Variants in KLHL3 observed in about 807,000 individuals in gnomAD.
KLHL3 encodes kelch like family member 3, also known as kelch-like protein 3.
In KLHL3, 19 loss-of-function variants were observed where a neutral mutation model predicts 70.5. The observed-to-expected ratio is 0.27, with a 90% CI of 0.19 to 0.40. The LOEUF is 0.40. Ranked by LOEUF, KLHL3 falls within the 10% of genes least tolerant of loss-of-function variation. KLHL3 has a pLI of 1.00. For missense variants in KLHL3, 512 were observed against 771.1 expected, an observed-to-expected ratio of 0.66 and a Z score of 3.98; for synonymous variants, 258 against 290.3, an observed-to-expected ratio of 0.89 and a Z score of 1.13.
intron 1 of KLHL3, among the ~76,000 whole-genome samples, chr5:137,733,372 C>T (rs1333628197): frequency 6.6e-6 from 1 of 152,186 alleles, no homozygotes; most frequent in Non-Finnish European, 1.5e-5. Flanking sequence ...GAGCCTCACA[C>T]AAAAGTTATT....
At chr5:137,625,683 C>T in intron 14 of KLHL3, 70 bp downstream of exon 14, 1 of 1,576,290 alleles carries the variant, frequency 6.3e-7, no homozygotes, top group Non-Finnish European at 8.7e-7. Context: ...ATCCCACTGG[C>T]CCACCCAACC....
chr5:137,666,699 G>A (rs1382591394), intron 6 of KLHL3, among the ~76,000 whole-genome samples: 2 of 152,072 alleles, frequency 1.3e-5, no homozygotes, highest in African/African-American at 2.4e-5. Flanking sequence ...CACAGCATTC[G>A]GCAACAACAG....
Position 137,706,120 on chromosome 5 carries a change from C to T in KLHL3, c.241+3630G>A, listed in dbSNP as rs1016939839. On this transcript the variant is annotated intron_variant, in intron 3 of 14. Coordinates refer to ENST00000309755, the MANE Select transcript of KLHL3 (RefSeq NM_017415.3). ...AGAAGTGTGGGATTGGTATTTGGAA[C>T]CACCTCAGGACATTTGGGCAACATG... 5 of 985,254 alleles carry T rather than the reference C, an allele frequency of 5.1e-6. No individual in the cohort carries two copies. In the African/African-American group the frequency reaches 8.7e-5, roughly 17 times the overall value. The allele number at this position is 985,254 out of a possible 1,614,324, so 61.0% of individuals were successfully genotyped here.
Position 137,677,520 on chromosome 5 carries a change from G to A in KLHL3, c.636+25C>T, listed in dbSNP as rs367875286. ...TGACCACCTGACGAGTGAGGTTCCC[G>A]TTTCCCCAGTGAGCCATGTCATACC... On this transcript the variant is annotated intron_variant, in intron 6 of 14. Coordinates refer to ENST00000309755, the MANE Select transcript of KLHL3 (RefSeq NM_017415.3). 1.6e-4 allele frequency: 230 copies of A among 1,400,096 alleles called. No homozygotes were observed. The African/African-American group carries it at 2.5e-3, about 15-fold the overall frequency. The allele number at this position is 1,400,096 out of a possible 1,614,324, so 86.7% of individuals were successfully genotyped here. A position where few individuals can be genotyped will look rare whatever the true frequency, so the allele number is the denominator to read the frequency against.
intron 5 of KLHL3, among the ~76,000 whole-genome samples, chr5:137,680,170 TC>T (rs1751988240): frequency 1.3e-5 from 2 of 152,246 alleles, no homozygotes; most frequent in Non-Finnish European, 2.9e-5. Context: ...CCCACTTTGC[TC>T]CCAGAAGATA....
At chr5:137,654,719 T>G (rs1282899364) in intron 8 of KLHL3, among the ~76,000 whole-genome samples, 1 of 152,154 alleles carries the variant, frequency 6.6e-6, no homozygotes, top group African/African-American at 2.4e-5. Flanking sequence ...CTTTAACAGA[T>G]TCTAAGGAAG....
intron 3 of KLHL3, among the ~76,000 whole-genome samples, chr5:137,709,148 G>A (rs1215925613): frequency 1.3e-5 from 2 of 152,220 alleles, no homozygotes; most frequent in African/African-American, 4.8e-5. Flanking sequence ...AGTTGGCAAA[G>A]GTGCTGAAAC....
chr5:137,645,226 T>C (rs921529361), intron 8 of KLHL3, among the ~76,000 whole-genome samples: 1 of 152,140 alleles, frequency 6.6e-6, no homozygotes, highest in African/African-American at 2.4e-5. Context: ...AGGGGAAAGT[T>C]GAAAGCTTTT....
intron 1 of KLHL3, among the ~76,000 whole-genome samples, chr5:137,731,816 A>T (rs1753178544): frequency 6.6e-6 from 1 of 152,202 alleles, no homozygotes. Context: ...ACTCTTGCAG[A>T]TCTGCCACAG....
In KLHL3 at chr5:137,735,112, T is replaced by G. The variant is rs111739528; in HGVS notation, c.14+521A>C. Among the ~76,000 whole-genome samples the G allele has an allele frequency of 9.2e-3, 1,405 of 152,340 alleles. 24 individuals are homozygous for G. The highest frequency in any genetic ancestry group is 0.032 in the African/African-American group (1,330 of 41,568). Reference sequence around the variant, plus strand: ...TCTCTCCTTCATCCCTGAATGTGTGTGTATACAGGCATACACGGCGTGCAC... The same window carrying G: ...TCTCTCCTTCATCCCTGAATGTGTGGGTATACAGGCATACACGGCGTGCAC... On this transcript the variant is annotated intron_variant, in intron 1 of 14. Coordinates refer to ENST00000309755, the MANE Select transcript of KLHL3 (RefSeq NM_017415.3).
At chr5:137,678,567 T>C (rs1561602614) in intron 5 of KLHL3, among the ~76,000 whole-genome samples, 1 of 152,346 alleles carries the variant, frequency 6.6e-6, no homozygotes, top group East Asian at 1.9e-4. Context: ...GTGATCCTCC[T>C]GCCTCGGCCT....
At chr5:137,634,795 A>G (rs3798137) in intron 11 of KLHL3, among the ~76,000 whole-genome samples, 53,614 of 151,916 alleles carry the variant, frequency 0.35, 10,170 homozygotes, top group East Asian at 0.54. Flanking sequence ...GCCGTCATTT[A>G]CTTTTAAATT....
intron 1 of KLHL3, chr5:137,724,996 A>T (rs1753064441): frequency 1.0e-6 from 1 of 972,240 alleles, no homozygotes; most frequent in Admixed American, 6.2e-5. Context: ...ACCTAAGGTC[A>T]CATGCCCAGG....
intron 6 of KLHL3, 93 bp from the exon 7 acceptor site, chr5:137,662,124 G>GAA (rs1751493401): frequency 4.4e-6 from 3 of 681,704 alleles, no homozygotes; most frequent in Admixed American, 2.4e-5. Context: ...AAGAGAGAGA[G>GAA]AAAAAGTTAT....
intron 14 of KLHL3, among the ~76,000 whole-genome samples, chr5:137,622,333 G>A (rs965731020): frequency 1.3e-5 from 2 of 152,144 alleles, no homozygotes; most frequent in East Asian, 1.9e-4. Context: ...TTGAACCTAC[G>A]AGCACAGTCC....
Position 137,677,661 on chromosome 5 carries a change from CAAAAAA to C in KLHL3, c.527-13_527-8del. On this transcript the variant is annotated splice_polypyrimidine_tract_variant and splice_region_variant and intron_variant, in intron 5 of 14. Transcript: ENST00000309755. ...ACCTCTGGAAAGTGCTGCTCTGTTC[CAAAAAA>C]AAAAAAAAGAAGTTAAGAAAACAAA... 1 of 1,246,390 alleles carries C rather than the reference CAAAAAA, an allele frequency of 8.0e-7. No homozygotes were observed. The highest frequency in any genetic ancestry group is 1.1e-6 in the Non-Finnish European group (1 of 919,424). 77.2% of individuals were successfully genotyped at this position (1,246,390 alleles called of 1,614,324 possible). A position where few individuals can be genotyped will look rare whatever the true frequency, so the allele number is the denominator to read the frequency against.
intron 14 of KLHL3, among the ~76,000 whole-genome samples, chr5:137,624,752 C>T (rs1437040563): frequency 1.3e-5 from 2 of 152,180 alleles, no homozygotes; most frequent in Non-Finnish European, 2.9e-5. Flanking sequence ...ATAATGTTAT[C>T]TCTATTCCAG....
At chr5:137,682,894 C>A (rs370115087) in intron 5 of KLHL3, among the ~76,000 whole-genome samples, 1 of 152,168 alleles carries the variant, frequency 6.6e-6, no homozygotes, top group Admixed American at 6.5e-5. Context: ...TCTCTCTTCA[C>A]GGAATGAAAT....
At chr5:137,701,011 T>C (rs1752555421) in intron 3 of KLHL3, among the ~76,000 whole-genome samples, 1 of 152,132 alleles carries the variant, frequency 6.6e-6, no homozygotes, top group Non-Finnish European at 1.5e-5. Flanking sequence ...ATTATTTCCA[T>C]TTTACAAATT....
Sources: gnomAD v4.1 joint callset for allele counts (sites outside exome capture counted in the v4.1 genomes callset) on GRCh38, gnomAD v4.1.1 for gene constraint, MANE v1.5 for transcripts, NCBI Gene and HGNC (gene_info 2026-07-23, HGNC 2026-07-21) for gene names.